TTF1: variants seen among roughly 807,000 people sequenced by gnomAD.
The protein encoded by TTF1 is transcription termination factor, RNA polymerase I.
Under a neutral mutation model 80.2 loss-of-function variants are expected in TTF1, and 64 were observed. The observed-to-expected ratio is 0.80, with a 90% CI of 0.65 to 0.98. The LOEUF (loss-of-function observed/expected upper bound fraction) is 0.98, where lower values mean the gene tolerates loss of function less well. TTF1 is among the 50% of genes least tolerant of loss of function. TTF1 has a pLI of 0.00. For missense variants in TTF1, 1,023 were observed against 1,086.2 expected (o/e 0.94, Z 0.82); for synonymous variants, 372 against 382.7 (o/e 0.97, Z 0.33).
At chr9:132,382,761 CA>C (rs55904518) in intron 9 of TTF1, among the ~76,000 whole-genome samples, 2,649 of 136,322 alleles carry the variant, frequency 0.019, 81 homozygotes, top group African/African-American at 0.059. Context: ...ACTAAAAATA[CA>C]AAAAAAAAAA....
At chr9:132,393,385 C>G (rs150967416) in intron 5 of TTF1, among the ~76,000 whole-genome samples, 72 of 152,306 alleles carry the variant, frequency 4.7e-4, no homozygotes, top group African/African-American at 1.6e-3. Context: ...CAAGGAACAC[C>G]GGGCCCACCC....
At chr9:132,387,238 C>T (rs149981523) in intron 8 of TTF1, among the ~76,000 whole-genome samples, 67 of 152,288 alleles carry the variant, frequency 4.4e-4, no homozygotes, top group African/African-American at 1.5e-3. Context: ...CGTCAGGCAC[C>T]ACGCCGAGCC....
At chr9:132,389,479 C>A (rs544358166) in intron 7 of TTF1, among the ~76,000 whole-genome samples, 36 of 152,142 alleles carry the variant, frequency 2.4e-4, no homozygotes, top group Admixed American at 5.2e-4. Flanking sequence ...CCGTGCCCGG[C>A]CCTCACTCTT....
chr9:132,387,025 G>A (rs1397731277), intron 8 of TTF1, among the ~76,000 whole-genome samples: 1 of 152,072 alleles, frequency 6.6e-6, no homozygotes, highest in Non-Finnish European at 1.5e-5. Context: ...TGGCGTGATC[G>A]TGGCTCACTG....
intron 9 of TTF1, among the ~76,000 whole-genome samples, chr9:132,386,176 A>G (rs990282316): frequency 6.6e-6 from 1 of 152,190 alleles, no homozygotes; most frequent in Non-Finnish European, 1.5e-5. Flanking sequence ...AAACTGAAAT[A>G]GGAGGGAGGT....
intron 7 of TTF1, among the ~76,000 whole-genome samples, chr9:132,389,225 G>A (rs1215068580): frequency 6.9e-6 from 1 of 145,098 alleles, no homozygotes; most frequent in Non-Finnish European, 1.5e-5. Flanking sequence ...CACTGTCGCT[G>A]GGGCTGGAGT....
intron 7 of TTF1, among the ~76,000 whole-genome samples, chr9:132,389,222 G>A (rs1849520304): frequency 7.1e-6 from 1 of 141,126 alleles, no homozygotes; most frequent in South Asian, 2.2e-4. Context: ...TGGCACTGTC[G>A]CTGGGGCTGG....
intron 9 of TTF1, among the ~76,000 whole-genome samples, chr9:132,379,898 G>A (rs1849337239): frequency 6.6e-6 from 1 of 152,064 alleles, no homozygotes; most frequent in Non-Finnish European, 1.5e-5. Context: ...AATAAAAGGG[G>A]AACATTAAAA....
intron 4 of TTF1, among the ~76,000 whole-genome samples, chr9:132,396,712 G>C (rs1479913352): frequency 6.6e-6 from 1 of 151,226 alleles, no homozygotes; most frequent in Non-Finnish European, 1.5e-5. Flanking sequence ...CTGTCACTGA[G>C]GCTGGAGTGC....
rs569091731 is a variant in TTF1 at position 132,398,973 on chromosome 9, G to A, written c.1592-647C>T. ...AGCACTTTGGGAGGCCGAGACAGGC[G>A]AATCATGAGGTCAGGAGTTTGAGAC... is the stretch of plus-strand genomic sequence containing the variant. On this transcript the variant is annotated intron_variant, in intron 3 of 10. Transcript: ENST00000334270. Among the ~76,000 whole-genome samples the A allele has an allele frequency of 2.6e-5, 4 of 152,156 alleles. No individual in the cohort carries two copies. In the East Asian group the frequency reaches 7.7e-4, roughly 29 times the overall value.
intron 5 of TTF1, among the ~76,000 whole-genome samples, chr9:132,395,480 G>T (rs1008168625): frequency 6.6e-6 from 1 of 152,100 alleles, no homozygotes; most frequent in African/African-American, 2.4e-5. Context: ...AAGCATTCTT[G>T]TAAGTCCCAT....
At chr9:132,377,806 G>GC (rs1849249327) in intron 10 of TTF1, among the ~76,000 whole-genome samples, 1 of 119,544 alleles carries the variant, frequency 8.4e-6, no homozygotes, top group African/African-American at 3.2e-5. Flanking sequence ...GTGTGCATGT[G>GC]GTGTGAGTGC....
At chr9:132,393,180 CA>C (rs2131638355) in intron 5 of TTF1, among the ~76,000 whole-genome samples, 1 of 152,264 alleles carries the variant, frequency 6.6e-6, no homozygotes, top group Admixed American at 6.5e-5. Flanking sequence ...ACTGCATAAA[CA>C]TGCAACAAAT....
intron 8 of TTF1, among the ~76,000 whole-genome samples, chr9:132,386,993 T>C (rs1849480423): frequency 6.6e-6 from 1 of 152,206 alleles, no homozygotes; most frequent in South Asian, 2.1e-4. Flanking sequence ...GGTCTCGCTC[T>C]GTCACCCTGG....
At chr9:132,403,484 T>A (rs901258308) in intron 1 of TTF1, among the ~76,000 whole-genome samples, 1 of 151,816 alleles carries the variant, frequency 6.6e-6, no homozygotes, top group Non-Finnish European at 1.5e-5. Flanking sequence ...CAGCTCTCCA[T>A]GAAATTCTCT....
At chr9:132,393,540 CTT>C (rs994131877) in intron 5 of TTF1, among the ~76,000 whole-genome samples, 30 of 152,362 alleles carry the variant, frequency 2.0e-4, no homozygotes, top group African/African-American at 7.2e-4. Context: ...ATAAGGGATA[CTT>C]TTAGTTAATT....
In TTF1 at chr9:132,402,802, C is replaced by G; in HGVS notation, c.20G>C (p.Arg7Thr). 3.8e-6 allele frequency: 6 copies of G among 1,579,318 alleles called. No homozygotes were observed. The highest frequency in any genetic ancestry group is 5.1e-6 in the Non-Finnish European group (6 of 1,167,930). Residue 7 changes from arginine to threonine, a missense_variant, in exon 2 of 11, where the codon AGA (arginine) becomes ACA (threonine). Arg to Thr is a moderately conservative substitution (Grantham distance 71, BLOSUM62 -1). Coordinates refer to ENST00000334270, the MANE Select transcript of TTF1 (RefSeq NM_007344.4). The part of the protein sequence containing the change: MEGESS[R>T]FEIHTPVSDK... The stretch of plus-strand genomic sequence containing the variant: ...AGAAACTGGAGTGTGGATTTCAAAT[C>G]TGCTTGATTCTCCTTCCATTTTATT...
Position 132,375,721 on chromosome 9 carries a change from ATCTC to A in TTF1, c.*190_*193del, listed in dbSNP as rs139464117. On this transcript the variant is annotated 3_prime_UTR_variant, in exon 11 of 11. Coordinates refer to ENST00000334270, the MANE Select transcript of TTF1 (RefSeq NM_007344.4). ...TGAGAAAAAGGGACAAGAAATAGTA[ATCTC>A]TCTCTCTCATGCGGTGGTGCGATCT... The A allele has an allele frequency of 5.8e-6, 3 of 515,448 alleles. No individual in the cohort carries two copies. Among genetic ancestry groups the A allele is most frequent in the Non-Finnish European group, 6.9e-6 (2 of 289,208 alleles). The allele number at this position is 515,448 out of a possible 1,614,324, so 31.9% of individuals were successfully genotyped here. A position where few individuals can be genotyped will look rare whatever the true frequency, so the allele number is the denominator to read the frequency against.
intron 10 of TTF1, among the ~76,000 whole-genome samples, chr9:132,378,627 GGT>G (rs1359162575): frequency 1.0e-4 from 14 of 135,504 alleles, no homozygotes; most frequent in African/African-American, 4.3e-4. Flanking sequence ...GAGTGCATGT[GGT>G]TGGTGTGAGT....
Sources: allele counts gnomAD v4.1 joint callset (sites outside exome capture counted in the v4.1 genomes callset), GRCh38; gene constraint gnomAD v4.1.1; transcripts MANE v1.5; gene names NCBI Gene and HGNC (gene_info 2026-07-23, HGNC 2026-07-21).